The following PIEZO1 variants were observed in gnomAD, a reference collection of about 807,000 sequenced individuals.
The protein encoded by PIEZO1 is piezo-type mechanosensitive ion channel component 1.
In PIEZO1, 296 loss-of-function variants were observed where a neutral mutation model predicts 297.2. The observed-to-expected ratio is 1.00, with a 90% CI of 0.91 to 1.10. PIEZO1 has a LOEUF of 1.10. Among genes scored for constraint, PIEZO1 ranks in the 50% least tolerant of loss-of-function variants. The pLI, the probability that PIEZO1 is intolerant of heterozygous loss-of-function variation, is 0.00. For missense variants in PIEZO1, 5,018 were observed against 3,455.5 expected, an observed-to-expected ratio of 1.45 and a Z score of -11.34; for synonymous variants, 2,427 against 1,507.5, an observed-to-expected ratio of 1.61 and a Z score of -14.13.
intron 2 of PIEZO1, chr16:88,743,349 C>T (rs1239744501): frequency 4.4e-6 from 2 of 452,648 alleles, no homozygotes; most frequent in Non-Finnish European, 8.9e-6. Flanking sequence ...GACAGCTTCC[C>T]TTTCCACCCC....
rs1904295221 is a variant in PIEZO1 at position 88,723,145 on chromosome 16, C to T, written c.4445G>A (p.Gly1482Asp). 3 of 1,549,112 alleles carry T rather than the reference C, an allele frequency of 1.9e-6. No homozygotes were observed. The highest frequency in any genetic ancestry group is 2.6e-6 in the Non-Finnish European group (3 of 1,146,828). Residue 1482 changes from glycine (G) to aspartate (D), a missense_variant, in exon 33 of 51, where the codon GGT becomes GAT. Physicochemically the swap from Gly to Asp is moderately conservative, Grantham distance 94. Transcript: ENST00000301015. Reference protein sequence around the residue: ...EQAGQLPTGGGPSQEVEPAEG... With the variant: ...EQAGQLPTGGDPSQEVEPAEG... ...TGCTGGCTCCACCTCCTGGCTGGGA[C>T]CACCTCCTGGGCACAGGATGCTGGT...
intron 21 of PIEZO1, 42 bp from the exon 22 acceptor site, chr16:88,731,952 T>TGGGGGG (rs746719928): frequency 3.2e-6 from 1 of 307,728 alleles, no homozygotes; most frequent in African/African-American, 2.3e-5. Flanking sequence ...GCACTGAGTC[T>TGGGGGG]GGGGGGAGGG....
Position 88,749,408 on chromosome 16 carries a change from C to A in PIEZO1, c.136G>T (p.Gly46Cys). The A allele has an allele frequency of 1.3e-6, 2 of 1,519,708 alleles. No individual in the cohort carries two copies. The highest frequency in any genetic ancestry group is 1.8e-6 in the Non-Finnish European group (2 of 1,140,442). 94.1% of individuals were successfully genotyped at this position (1,519,708 alleles called of 1,614,324 possible). A position where few individuals can be genotyped will look rare whatever the true frequency, so the allele number is the denominator to read the frequency against. The stretch of plus-strand genomic sequence containing the variant: ...CCTTGGAGGCCGCATCGGGTGGGGC[C>A]GGGGAACCAGGGCAGCAGCAGCAGG... ...LFLLLLPWFPGPTRCGLQGHT... is the reference protein window; with the variant it reads ...LFLLLLPWFPCPTRCGLQGHT... The change falls in exon 2 of 51, where the codon GGC becomes TGC. Residue 46 changes from glycine to cysteine, a missense_variant. Gly to Cys is a radical substitution (Grantham distance 159). Transcript: ENST00000301015.
intron 27 of PIEZO1, 79 bp downstream of exon 27, chr16:88,726,205 T>G: frequency 3.2e-6 from 4 of 1,264,320 alleles, no homozygotes; most frequent in Non-Finnish European, 4.3e-6. Context: ...GGCCGGGGCC[T>G]GAGACAGTGA....
intron 39 of PIEZO1, among the ~76,000 whole-genome samples, 175 bp downstream of exon 39, chr16:88,720,991 G>A (rs1328091763): frequency 1.3e-5 from 2 of 152,192 alleles, no homozygotes; most frequent in East Asian, 1.9e-4. Context: ...GGGGGCAGCA[G>A]TCAGGGACGG....
At chr16:88,781,269 G>A (rs1314715298) in intron 1 of PIEZO1, among the ~76,000 whole-genome samples, 3 of 152,200 alleles carry the variant, frequency 2.0e-5, no homozygotes, top group Non-Finnish European at 2.9e-5. Context: ...ATCAGAGACT[G>A]TGCGCCCCCA....
Position 88,719,811 on chromosome 16 carries a change from A to G in PIEZO1, c.6314T>C (p.Leu2105Pro), listed in dbSNP as rs1912300785. The change falls in exon 43 of 51, where the codon CTC (leucine) becomes CCC (proline). Residue 2105 changes from leucine to proline, a missense_variant. Leu to Pro is a moderately conservative substitution (Grantham distance 98). Transcript: ENST00000301015. ...GCGGACCTGCACTCACCCCTGGAAG[A>G]GGAAGAGGTTGAGATGATTGTACTT... ...TKKYNHLNLFLFQGFRLVPFL... is the reference protein window; with the variant it reads ...TKKYNHLNLFPFQGFRLVPFL... 2 of 1,550,376 alleles carry G rather than the reference A, an allele frequency of 1.3e-6. No homozygotes were observed.
chr16:88,734,677 C>T lies in PIEZO1; in HGVS notation c.1970G>A (p.Arg657His), dbSNP rs770023621. The change falls in exon 15 of 51, where the codon CGC becomes CAC. Residue 657 changes from arginine to histidine, a missense_variant. Transcript: ENST00000301015. ...CTCGTCGGTGAAGCCAGTGAGGTTG[C>T]GCCAGTAGGCAGGGAAGTCCTGGAA... ...FQFQDFPAYW[R>H]NLTGFTDEQL... 7.5e-5 allele frequency: 117 copies of T among 1,550,198 alleles called. 1 individual carries two copies. The Middle Eastern group carries it at 8.3e-4, about 11-fold the overall frequency.
intron 1 of PIEZO1, among the ~76,000 whole-genome samples, chr16:88,762,558 G>A (rs1421972243): frequency 6.6e-6 from 1 of 152,210 alleles, no homozygotes; most frequent in Non-Finnish European, 1.5e-5. Context: ...GACTGCCAAG[G>A]GTAGACCCCC....
In PIEZO1 at chr16:88,750,350, C is replaced by T. The variant is rs182257196; in HGVS notation, c.65-871G>A. On this transcript the variant is annotated intron_variant, in intron 1 of 50. Transcript: ENST00000301015. Reference sequence around the variant, plus strand: ...GACTCCATCTCAAAAAACAATCAAACAAAAAAATGCTATGATTCCTGCCCC... The same window carrying T: ...GACTCCATCTCAAAAAACAATCAAATAAAAAAATGCTATGATTCCTGCCCC... 7.6e-4 allele frequency among the ~76,000 whole-genome samples: 115 copies of T among 152,294 alleles called. No individual in the cohort carries two copies. The East Asian group carries it at 0.015, about 20-fold the overall frequency.
chr16:88,765,185 G>T (rs1597482578), intron 1 of PIEZO1, among the ~76,000 whole-genome samples: 1 of 152,230 alleles, frequency 6.6e-6, no homozygotes, highest in African/African-American at 2.4e-5. Flanking sequence ...TGCTCTCTAG[G>T]GACTTCCCCG....
chr16:88,749,239 C>CAA (rs112962992), intron 2 of PIEZO1, 145 bp downstream of exon 2: 1,153 of 451,212 alleles, frequency 2.6e-3, no homozygotes, highest in East Asian at 5.2e-3. Context: ...GACTCCGTCT[C>CAA]AAAAAAAAAA....
chr16:88,733,811 G>C (rs1905034983), intron 17 of PIEZO1, 66 bp from the exon 18 acceptor site: 1 of 1,471,414 alleles, frequency 6.8e-7, no homozygotes, highest in Non-Finnish European at 9.0e-7. Context: ...TGAGGAAGAG[G>C]CTCTGGAGCC....
chr16:88,723,041 G>C, intron 33 of PIEZO1, 32 bp from the exon 34 acceptor site: 1 of 1,543,092 alleles, frequency 6.5e-7, no homozygotes. Flanking sequence ...CGCTGGAGGG[G>C]CAGCCTGTGG....
At chr16:88,737,478 GCCAGGCGGCCA>G in intron 10 of PIEZO1, 70 bp downstream of exon 10, 1 of 958,396 alleles carries the variant, frequency 1.0e-6, no homozygotes, top group Non-Finnish European at 1.5e-6. Context: ...ATGCGAGAGC[GCCAGGCGGCCA>G]CCAGGGGGCA....
At chr16:88,732,779 C>T (rs763777164) in intron 19 of PIEZO1, 47 bp from the exon 20 acceptor site, 20 of 1,491,474 alleles carry the variant, frequency 1.3e-5, no homozygotes, top group Non-Finnish European at 1.8e-5. Context: ...CCACAGTGCC[C>T]CCTGGCCCTG....
chr16:88,748,511 G>A (rs961750638), intron 2 of PIEZO1, among the ~76,000 whole-genome samples: 2 of 149,846 alleles, frequency 1.3e-5, no homozygotes, highest in African/African-American at 2.5e-5. Flanking sequence ...CGCACAAGTG[G>A]ATCAAAGTCA....
chr16:88,717,712 G>A lies in PIEZO1; in HGVS notation c.6472-501C>T, dbSNP rs376422009. The A allele has an allele frequency of 2.9e-4, 127 of 439,978 alleles. 1 individual carries two copies. The highest frequency in any genetic ancestry group is 2.2e-3 in the African/African-American group (109 of 49,100). The allele number at this position is 439,978 out of a possible 1,614,324, so 27.3% of individuals were successfully genotyped here. On this transcript the variant is annotated intron_variant, in intron 44 of 50. Transcript: ENST00000301015. ...AAGAAAATTTAAGAGACAGTCCATA[G>A]AATTGGAGAAATTTTCTGCAAATTT...
At chr16:88,779,605 T>C (rs2142911687) in intron 1 of PIEZO1, among the ~76,000 whole-genome samples, 1 of 152,236 alleles carries the variant, frequency 6.6e-6, no homozygotes, top group African/African-American at 2.4e-5. Context: ...CGTGAGAGGA[T>C]GCATGAATGA....
Sources: gnomAD v4.1 joint callset for allele counts (sites outside exome capture counted in the v4.1 genomes callset) on GRCh38, gnomAD v4.1.1 for gene constraint, MANE v1.5 for transcripts, NCBI Gene and HGNC (gene_info 2026-07-23, HGNC 2026-07-21) for gene names.